Variants in MYRIP observed in about 807,000 individuals in gnomAD.
MYRIP encodes rab effector MyRIP.
MYRIP carries 49 observed loss-of-function variants against 98.0 expected under a neutral mutation model. That is an observed-to-expected ratio of 0.50 (90% confidence interval 0.40 to 0.63). The LOEUF is 0.63. Ranked by LOEUF, MYRIP falls within the 30% of genes least tolerant of loss-of-function variation. The pLI, the probability that MYRIP is intolerant of heterozygous loss-of-function variation, is 0.00. For missense variants in MYRIP, 1,004 were observed against 1,058.2 expected (o/e 0.95, Z 0.71); for synonymous variants, 404 against 409.5 (o/e 0.99, Z 0.16).
At chr3:39,864,494 T>C (rs1002806977) in intron 1 of MYRIP, among the ~76,000 whole-genome samples, 1 of 152,160 alleles carries the variant, frequency 6.6e-6, no homozygotes, top group Non-Finnish European at 1.5e-5. Context: ...CTAGCATTCC[T>C]ATACACCAAC....
intron 8 of MYRIP, among the ~76,000 whole-genome samples, chr3:40,179,249 G>A (rs938331122): frequency 1.3e-5 from 2 of 152,180 alleles, no homozygotes; most frequent in Non-Finnish European, 2.9e-5. Flanking sequence ...GGCCACCAGT[G>A]TCCTAGGACC....
chr3:39,821,406 C>G (rs1941099090), intron 1 of MYRIP, among the ~76,000 whole-genome samples: 1 of 151,398 alleles, frequency 6.6e-6, no homozygotes, highest in Non-Finnish European at 1.5e-5. Context: ...TCTTTTCAGA[C>G]TTTCCAAAGA....
chr3:40,112,221 G>T (rs2125902526), intron 3 of MYRIP, among the ~76,000 whole-genome samples: 1 of 129,608 alleles, frequency 7.7e-6, no homozygotes, highest in Non-Finnish European at 1.6e-5. Flanking sequence ...AATTCTACAG[G>T]AATAGAGAAA....
intron 2 of MYRIP, among the ~76,000 whole-genome samples, chr3:39,921,635 C>T (rs1944306183): frequency 6.6e-6 from 1 of 152,140 alleles, no homozygotes; most frequent in African/African-American, 2.4e-5. Flanking sequence ...AATCTCAGCA[C>T]TTTGGGTGGC....
intron 13 of MYRIP, among the ~76,000 whole-genome samples, chr3:40,248,707 A>T (rs949590513): frequency 2.0e-5 from 3 of 152,222 alleles, no homozygotes; most frequent in African/African-American, 7.2e-5. Flanking sequence ...CCAGGGAAGA[A>T]TGTGAGCATC....
chr3:39,952,739 T>G (rs1221043456), intron 2 of MYRIP, among the ~76,000 whole-genome samples: 1 of 152,184 alleles, frequency 6.6e-6, no homozygotes, highest in Admixed American at 6.5e-5. Flanking sequence ...TCCCCCTCTT[T>G]ATTTATCTAC....
intron 2 of MYRIP, among the ~76,000 whole-genome samples, chr3:39,915,824 A>G (rs1944143880): frequency 6.6e-6 from 1 of 152,008 alleles, no homozygotes; most frequent in African/African-American, 2.4e-5. Context: ...CCATATCTAA[A>G]CAAATCGTTG....
rs537192335 is a variant in MYRIP, at chr3:40,245,151, AG to A, written c.2262+546del. ...ATTTCTCAGGACAATATTTTTCATG[AG>A]GAACAGGGAGGATTTAGATACGGCT... On this transcript the variant is annotated intron_variant, in intron 13 of 16. Transcript: ENST00000302541. 2.7e-3 allele frequency among the ~76,000 whole-genome samples: 416 copies of A among 152,338 alleles called. 4 individuals are homozygous for A. The highest frequency in any genetic ancestry group is 9.7e-3 in the African/African-American group (403 of 41,582).
intron 2 of MYRIP, among the ~76,000 whole-genome samples, chr3:40,007,163 G>T (rs542555376): frequency 3.2e-4 from 48 of 152,314 alleles, no homozygotes; most frequent in African/African-American, 1.1e-3. Context: ...TGAAGACAGA[G>T]GCAGCCTCAT....
intron 5 of MYRIP, 44 bp from the exon 6 acceptor site, chr3:40,166,802 A>T: frequency 7.7e-7 from 1 of 1,298,604 alleles, no homozygotes; most frequent in Non-Finnish European, 1.1e-6. Flanking sequence ...CGTTTTACTC[A>T]TCATTCCCTT....
intron 1 of MYRIP, among the ~76,000 whole-genome samples, chr3:39,873,245 G>C (rs986862251): frequency 1.3e-5 from 2 of 152,150 alleles, no homozygotes; most frequent in African/African-American, 2.4e-5. Flanking sequence ...TTAGCCCTTT[G>C]TCAGATGAGT....
chr3:39,857,284 T>C (rs1473570943), intron 1 of MYRIP, among the ~76,000 whole-genome samples: 1 of 78,084 alleles, frequency 1.3e-5, no homozygotes, highest in Admixed American at 1.1e-4. Flanking sequence ...GAAGGAAAAA[T>C]GAGTATCTAT....
chr3:40,196,009 A>G (rs1033794300), intron 10 of MYRIP, among the ~76,000 whole-genome samples: 1 of 152,024 alleles, frequency 6.6e-6, no homozygotes, highest in Non-Finnish European at 1.5e-5. Context: ...AAATGTATTG[A>G]TATTATACCT....
rs902494088 is a variant in MYRIP at position 40,224,226 on chromosome 3, G to A, written c.1906-9633G>A. ...GTTGAAGTGGACAAGTGACAAGCAG[G>A]ACCTTACATTATGAAGATCACCCTG... On this transcript the variant is annotated intron_variant, in intron 11 of 16. Coordinates refer to ENST00000302541, the MANE Select transcript of MYRIP (RefSeq NM_015460.4). 3.9e-5 allele frequency among the ~76,000 whole-genome samples: 6 copies of A among 152,170 alleles called. No individual in the cohort carries two copies. In the South Asian group the frequency reaches 1.2e-3, roughly 32 times the overall value.
In MYRIP at chr3:40,011,280, G is replaced by A. The variant is rs199505158; in HGVS notation, c.111-32770G>A. On this transcript the variant is annotated intron_variant, in intron 2 of 16. Transcript: ENST00000302541. ...CACACCTAGCTGCAAGTGGTGCTGG[G>A]AAACACAGTCTTCATTCTGGAAAGC... Among the ~76,000 whole-genome samples the A allele has an allele frequency of 3.3e-5, 5 of 152,166 alleles. No homozygotes were observed. The East Asian group carries it at 7.7e-4, about 23-fold the overall frequency.
At chr3:40,148,378 C>T (rs1329493370) in intron 3 of MYRIP, among the ~76,000 whole-genome samples, 1 of 151,754 alleles carries the variant, frequency 6.6e-6, no homozygotes, top group Non-Finnish European at 1.5e-5. Flanking sequence ...TTGATTTTTT[C>T]CCCTCTTTCA....
rs148607109 is a variant in MYRIP, at chr3:40,194,474, T to G, written c.1665+4011T>G. Among the ~76,000 whole-genome samples, 13 of 152,226 alleles carry G rather than the reference T, an allele frequency of 8.5e-5. No individual in the cohort carries two copies. The East Asian group carries it at 1.9e-3, about 23-fold the overall frequency. On this transcript the variant is annotated intron_variant, in intron 10 of 16. Transcript: ENST00000302541. Reference sequence around the variant, plus strand: ...ATTATAATAACTCTATAATATATGTTGCAATCTGGTGGATGGTCTTCTCTT... The same window carrying G: ...ATTATAATAACTCTATAATATATGTGGCAATCTGGTGGATGGTCTTCTCTT...
intron 1 of MYRIP, among the ~76,000 whole-genome samples, chr3:39,891,828 CA>C (rs988761048): frequency 2.4e-4 from 36 of 151,632 alleles, no homozygotes; most frequent in Admixed American, 2.1e-3. Flanking sequence ...TTTTAATTGC[CA>C]TTTTTTGTTA....
At chr3:40,063,925 T>C (rs1948074892) in intron 3 of MYRIP, among the ~76,000 whole-genome samples, 1 of 152,028 alleles carries the variant, frequency 6.6e-6, no homozygotes, top group African/African-American at 2.4e-5. Context: ...AGCAACAACA[T>C]GACAAGTGTC....
Sources: gnomAD v4.1 joint callset for allele counts (sites outside exome capture counted in the v4.1 genomes callset) on GRCh38, gnomAD v4.1.1 for gene constraint, MANE v1.5 for transcripts, NCBI Gene and HGNC (gene_info 2026-07-23, HGNC 2026-07-21) for gene names.